Variants in AOPEP observed in about 807,000 individuals in gnomAD.
The protein encoded by AOPEP is aminopeptidase O.
Under a neutral mutation model 98.1 loss-of-function variants are expected in AOPEP, and 77 were observed. That is an observed-to-expected ratio of 0.78 (90% CI 0.65 to 0.95). AOPEP has a LOEUF of 0.95. Ranked by LOEUF, AOPEP falls within the 40% of genes least tolerant of loss-of-function variation. AOPEP has a pLI of 0.00. For synonymous variants in AOPEP, 346 were observed against 365.3 expected, an observed-to-expected ratio of 0.95 and a Z score of 0.60; for missense variants, 1,024 against 1,024.7, an observed-to-expected ratio of 1.00 and a Z score of 0.01.
At chr9:94,827,509 C>T (rs977885621) in intron 5 of AOPEP, among the ~76,000 whole-genome samples, 2 of 152,190 alleles carry the variant, frequency 1.3e-5, no homozygotes, top group Non-Finnish European at 2.9e-5. Flanking sequence ...TTGGTTTCTT[C>T]TCTAACTTAT....
chr9:94,791,186 G>A (rs60514919), intron 3 of AOPEP, among the ~76,000 whole-genome samples: 8,572 of 152,222 alleles, frequency 0.056, 358 homozygotes, highest in South Asian at 0.11. Context: ...AATGTCCTTT[G>A]CAGCAACATG....
intron 5 of AOPEP, among the ~76,000 whole-genome samples, chr9:94,885,827 C>T (rs2048174918): frequency 1.3e-5 from 2 of 152,046 alleles, no homozygotes; most frequent in South Asian, 4.1e-4. Flanking sequence ...TTCTGATTTA[C>T]AAAAGCTTTC....
chr9:95,104,535 G>A, the AOPEP span, among the ~76,000 whole-genome samples: 11 of 152,204 alleles, frequency 7.2e-5, no homozygotes, highest in African/African-American at 2.7e-4. Flanking sequence ...GATGCAGGCT[G>A]GCCCTTGCAG....
At chr9:94,830,202 C>G (rs777883960) in intron 5 of AOPEP, among the ~76,000 whole-genome samples, 1 of 152,180 alleles carries the variant, frequency 6.6e-6, no homozygotes, top group South Asian at 2.1e-4. Flanking sequence ...TCCCTGCTCC[C>G]CGTGACAGAC....
At chr9:94,799,600 AG>A (rs1564156443) in intron 4 of AOPEP, among the ~76,000 whole-genome samples, 1 of 152,008 alleles carries the variant, frequency 6.6e-6, no homozygotes, top group Non-Finnish European at 1.5e-5. Flanking sequence ...CGGTGGTTCA[AG>A]CCTGTACTCC....
At chr9:95,142,886 C>G in the AOPEP span, among the ~76,000 whole-genome samples, 2 of 152,098 alleles carry the variant, frequency 1.3e-5, no homozygotes, top group Non-Finnish European at 2.9e-5. Context: ...CCACACAAAC[C>G]AATGCTCCCA....
At chr9:95,114,726 G>A in the AOPEP span, 2 of 1,611,400 alleles carry the variant, frequency 1.2e-6, no homozygotes, top group Non-Finnish European at 1.7e-6. Context: ...GGTGGAGAGA[G>A]ATACGTCAGA....
chr9:94,882,676 T>C (rs1477810549), intron 5 of AOPEP, among the ~76,000 whole-genome samples: 1 of 152,232 alleles, frequency 6.6e-6, no homozygotes, highest in African/African-American at 2.4e-5. Context: ...CTGGGGAGGC[T>C]GAGGCAGGAG....
intron 3 of AOPEP, among the ~76,000 whole-genome samples, chr9:94,777,625 C>CTTTTTTT (rs34067261): frequency 1.1e-5 from 1 of 94,178 alleles, no homozygotes; most frequent in Admixed American, 1.2e-4. Context: ...ATTATATAAT[C>CTTTTTTT]TTTTTTTTTT....
intron 6 of AOPEP, among the ~76,000 whole-genome samples, chr9:94,925,153 A>G (rs185907018): frequency 3.7e-4 from 57 of 152,260 alleles, no homozygotes; most frequent in Admixed American, 3.1e-3. Flanking sequence ...CACCATGCCC[A>G]GCTAATTTTT....
At chr9:95,075,512 A>T (rs2068954232) in intron 14 of AOPEP, among the ~76,000 whole-genome samples, 1 of 152,240 alleles carries the variant, frequency 6.6e-6, no homozygotes, top group South Asian at 2.1e-4. Flanking sequence ...GATTAACTAG[A>T]AAAAGCCAGT....
chr9:95,093,997 G>A, the AOPEP span, among the ~76,000 whole-genome samples: 2 of 152,228 alleles, frequency 1.3e-5, no homozygotes, highest in African/African-American at 4.8e-5. Flanking sequence ...AAGGGTAAGA[G>A]TGTGCACTTG....
chr9:95,097,977 C>T, the AOPEP span, among the ~76,000 whole-genome samples: 5 of 152,196 alleles, frequency 3.3e-5, 1 homozygote, highest in South Asian at 6.2e-4. Context: ...CTTTAGCACC[C>T]GAGCCCCCGG....
chr9:94,873,917 T>G (rs2135692357), intron 5 of AOPEP, among the ~76,000 whole-genome samples: 1 of 152,266 alleles, frequency 6.6e-6, no homozygotes, highest in Non-Finnish European at 1.5e-5. Flanking sequence ...TTATACATCT[T>G]CTCTCAATGG....
At chr9:94,997,620 G>A (rs1361995958) in intron 11 of AOPEP, among the ~76,000 whole-genome samples, 2 of 152,264 alleles carry the variant, frequency 1.3e-5, no homozygotes, top group African/African-American at 4.8e-5. Context: ...ACACCTTCTG[G>A]TGACTCTAAT....
chr9:94,866,237 A>G (rs918640537), intron 5 of AOPEP, among the ~76,000 whole-genome samples: 1 of 152,210 alleles, frequency 6.6e-6, no homozygotes, highest in African/African-American at 2.4e-5. Context: ...ATTTCTGAAG[A>G]ATCATTTAAA....
the AOPEP span, among the ~76,000 whole-genome samples, chr9:95,103,300 T>C: frequency 6.6e-6 from 1 of 151,980 alleles, no homozygotes; most frequent in Non-Finnish European, 1.5e-5. Context: ...CATGCAAAAA[T>C]TCGCAGCCCT....
At chr9:95,019,338 G>A (rs773086833) in intron 13 of AOPEP, 1 of 152,212 alleles carries the variant, frequency 6.6e-6, no homozygotes, top group Non-Finnish European at 1.5e-5. Context: ...CTCCCTAGGT[G>A]GTGGTCAGGC....
intron 7 of AOPEP, among the ~76,000 whole-genome samples, chr9:94,940,218 T>C (rs2095069): frequency 0.11 from 16,999 of 152,238 alleles, 1,923 homozygotes; most frequent in African/African-American, 0.29. Context: ...TATAGGTGGA[T>C]GTGAGGAATA....
Sources: allele counts gnomAD v4.1 joint callset (sites outside exome capture counted in the v4.1 genomes callset), GRCh38; gene constraint gnomAD v4.1.1; transcripts MANE v1.5; gene names NCBI Gene and HGNC (gene_info 2026-07-23, HGNC 2026-07-21).